Variants in SUCLA2 observed in about 807,000 individuals in gnomAD.
SUCLA2 encodes succinate-CoA ligase ADP-forming subunit beta, also known as succinate--CoA ligase [ADP-forming] subunit beta, mitochondrial.
In SUCLA2, 30 loss-of-function variants were observed where a neutral mutation model predicts 54.8. That is an observed-to-expected ratio of 0.55 (90% CI 0.41 to 0.74). The LOEUF is 0.74. Ranked by LOEUF, SUCLA2 falls within the 30% of genes least tolerant of loss-of-function variation. The probability of loss-of-function intolerance (pLI) is 0.00; values close to 1 mark genes in which losing one functional copy is unlikely to be tolerated. For missense variants in SUCLA2, 476 were observed against 562.9 expected (o/e 0.85, Z 1.56); for synonymous variants, 172 against 188.9 (o/e 0.91, Z 0.74).
intron 6 of SUCLA2, among the ~76,000 whole-genome samples, chr13:47,957,042 A>G (rs540442369): frequency 1.3e-5 from 2 of 152,250 alleles, no homozygotes; most frequent in Non-Finnish European, 2.9e-5. Flanking sequence ...AGGGACCTTC[A>G]TGGCTCTCAA....
At chr13:47,988,469 G>T (rs1368439786) in intron 4 of SUCLA2, 72 bp downstream of exon 4, 3 of 1,532,330 alleles carry the variant, frequency 2.0e-6, no homozygotes, top group African/African-American at 2.7e-5. Context: ...CACATAAATA[G>T]AAACAATAAT....
intron 6 of SUCLA2, among the ~76,000 whole-genome samples, chr13:47,962,188 C>T (rs1428511553): frequency 6.6e-6 from 1 of 151,694 alleles, no homozygotes; most frequent in East Asian, 1.9e-4. Flanking sequence ...CTATATATAG[C>T]CTTGATATAT....
At chr13:47,994,934 C>T (rs9316341) in intron 2 of SUCLA2, 52,627 of 821,376 alleles carry the variant, frequency 0.064, 1,749 homozygotes, top group Middle Eastern at 0.074. Flanking sequence ...ATAATCAAAA[C>T]AGATTGGCAT....
At chr13:47,944,046 T>C (rs1450092540) in intron 10 of SUCLA2, among the ~76,000 whole-genome samples, 10 of 152,070 alleles carry the variant, frequency 6.6e-5, no homozygotes, top group African/African-American at 2.4e-4. Flanking sequence ...AATTTAGACA[T>C]GTCTAAGACC....
At chr13:47,973,038 C>T (rs1949981370) in intron 5 of SUCLA2, among the ~76,000 whole-genome samples, 1 of 151,950 alleles carries the variant, frequency 6.6e-6, no homozygotes, top group Admixed American at 6.6e-5. Context: ...GCGTGAGACA[C>T]CGTGCCCGGC....
intron 1 of SUCLA2, among the ~76,000 whole-genome samples, chr13:47,999,625 T>C (rs966483538): frequency 1.5e-4 from 23 of 151,146 alleles, no homozygotes; most frequent in Non-Finnish European, 2.9e-4. Flanking sequence ...GAGAATGGCA[T>C]GAACCCGGGA....
intron 6 of SUCLA2, among the ~76,000 whole-genome samples, chr13:47,966,774 A>G (rs1399500741): frequency 6.6e-6 from 1 of 151,536 alleles, no homozygotes; most frequent in African/African-American, 2.4e-5. Flanking sequence ...CCAGCACTTC[A>G]GGAGCTGAGG....
intron 1 of SUCLA2, chr13:48,000,946 C>T: frequency 9.3e-6 from 13 of 1,399,796 alleles, no homozygotes; most frequent in South Asian, 1.5e-5. Flanking sequence ...GGAGCAGCCA[C>T]GGCCGGGCCG....
chr13:47,986,849 C>A (rs1043295768), intron 4 of SUCLA2, among the ~76,000 whole-genome samples: 9 of 152,070 alleles, frequency 5.9e-5, no homozygotes, highest in Admixed American at 1.3e-4. Flanking sequence ...TTAGTTAATT[C>A]CCATGCATGG....
intron 2 of SUCLA2, among the ~76,000 whole-genome samples, chr13:47,992,541 C>G (rs967977609): frequency 6.6e-6 from 1 of 152,208 alleles, no homozygotes; most frequent in Admixed American, 6.5e-5. Flanking sequence ...CATCTACATA[C>G]CAGACACTGT....
At chr13:47,946,956 A>G (rs1949736981) in intron 10 of SUCLA2, among the ~76,000 whole-genome samples, 1 of 152,194 alleles carries the variant, frequency 6.6e-6, no homozygotes, top group African/African-American at 2.4e-5. Context: ...TTGCCACTTA[A>G]AAAGCTCAGA....
At chr13:48,000,330 T>C (rs960385628) in intron 1 of SUCLA2, among the ~76,000 whole-genome samples, 2 of 152,230 alleles carry the variant, frequency 1.3e-5, no homozygotes, top group Non-Finnish European at 1.5e-5. Flanking sequence ...CCAACTCAAG[T>C]ACACGGCTTT....
intron 6 of SUCLA2, among the ~76,000 whole-genome samples, chr13:47,955,993 T>C (rs1324101280): frequency 6.6e-6 from 1 of 152,212 alleles, no homozygotes; most frequent in Non-Finnish European, 1.5e-5. Context: ...ATTCAGTCTT[T>C]ACACCATAGC....
intron 6 of SUCLA2, among the ~76,000 whole-genome samples, chr13:47,967,647 C>T (rs1593488015): frequency 6.6e-6 from 1 of 151,214 alleles, no homozygotes; most frequent in South Asian, 2.1e-4. Context: ...TCAAGACCAG[C>T]GTGGCCAACA....
At chr13:47,981,100 G>A (rs1261581211) in intron 4 of SUCLA2, among the ~76,000 whole-genome samples, 1 of 152,072 alleles carries the variant, frequency 6.6e-6, no homozygotes, top group Non-Finnish European at 1.5e-5. Context: ...TTGACAAATG[G>A]AACTCTATCA....
chr13:47,966,413 C>T (rs1383804051), intron 6 of SUCLA2, among the ~76,000 whole-genome samples: 1 of 151,584 alleles, frequency 6.6e-6, no homozygotes, highest in South Asian at 2.1e-4. Flanking sequence ...TTTTACTTTC[C>T]ATATAAATTG....
At chr13:47,958,467 C>A (rs1354497254) in intron 6 of SUCLA2, among the ~76,000 whole-genome samples, 2 of 152,142 alleles carry the variant, frequency 1.3e-5, no homozygotes, top group African/African-American at 4.8e-5. Flanking sequence ...TAAGTCCAAG[C>A]AATTTTTAAG....
At chr13:47,988,247 G>A (rs182018376) in intron 4 of SUCLA2, 2 of 461,930 alleles carry the variant, frequency 4.3e-6, no homozygotes, top group East Asian at 3.5e-5. Context: ...TCTCAATCTG[G>A]AGATGATCCA....
At chr13:47,966,718 T>TAAAA (rs35050490) in intron 6 of SUCLA2, among the ~76,000 whole-genome samples, 2 of 145,714 alleles carry the variant, frequency 1.4e-5, no homozygotes, top group Non-Finnish European at 3.0e-5. Context: ...TTTCTTTAAA[T>TAAAA]AAAAAAAAAA....
Sources: gnomAD v4.1 joint callset for allele counts (sites outside exome capture counted in the v4.1 genomes callset) on GRCh38, gnomAD v4.1.1 for gene constraint, MANE v1.5 for transcripts, NCBI Gene and HGNC (gene_info 2026-07-23, HGNC 2026-07-21) for gene names.